The following SEMA3A variants were observed in gnomAD, a reference collection of about 807,000 sequenced individuals.
SEMA3A encodes semaphorin 3A.
Under a neutral mutation model 97.9 loss-of-function variants are expected in SEMA3A, and 29 were observed. That is an observed-to-expected ratio of 0.30 (90% CI 0.22 to 0.40). SEMA3A has a LOEUF of 0.40. SEMA3A is among the 10% of genes least tolerant of loss of function. The pLI, the probability that SEMA3A is intolerant of heterozygous loss-of-function variation, is 1.00. For missense variants in SEMA3A, 763 were observed against 951.3 expected (o/e 0.80, Z 2.60); for synonymous variants, 321 against 323.7 (o/e 0.99, Z 0.09).
At chr7:83,980,665 T>C (rs1355774668) in intron 14 of SEMA3A, among the ~76,000 whole-genome samples, 5 of 142,672 alleles carry the variant, frequency 3.5e-5, no homozygotes, top group African/African-American at 1.0e-4. Flanking sequence ...TATACATATA[T>C]ACACATATAC....
chr7:84,030,745 C>G (rs1210487731), intron 6 of SEMA3A, among the ~76,000 whole-genome samples: 1 of 152,010 alleles, frequency 6.6e-6, no homozygotes, highest in African/African-American at 2.4e-5. Flanking sequence ...TGGGATTCAA[C>G]CCTTTCTTCA....
intron 3 of SEMA3A, among the ~76,000 whole-genome samples, chr7:84,267,788 C>T (rs1372474630): frequency 6.6e-6 from 1 of 152,098 alleles, no homozygotes; most frequent in Non-Finnish European, 1.5e-5. Flanking sequence ...ACATAGACTA[C>T]TTAACCAAAT....
At chr7:84,370,206 G>T (rs1253076724) in intron 2 of SEMA3A, among the ~76,000 whole-genome samples, 1 of 151,564 alleles carries the variant, frequency 6.6e-6, no homozygotes, top group African/African-American at 2.4e-5. Context: ...TGCTGGTTTT[G>T]AGTATAGGCA....
chr7:84,011,680 T>G (rs528163681), intron 7 of SEMA3A, among the ~76,000 whole-genome samples: 1 of 152,266 alleles, frequency 6.6e-6, no homozygotes, highest in East Asian at 1.9e-4. Flanking sequence ...AACAGTTTTT[T>G]CTTTGAGATA....
intron 4 of SEMA3A, among the ~76,000 whole-genome samples, chr7:84,068,553 A>G (rs1420526400): frequency 6.6e-6 from 1 of 152,158 alleles, no homozygotes; most frequent in Non-Finnish European, 1.5e-5. Context: ...ACTATATATT[A>G]CAGACTAAAA....
At chr7:84,259,771 G>A (rs567890146) in intron 3 of SEMA3A, among the ~76,000 whole-genome samples, 89 of 147,726 alleles carry the variant, frequency 6.0e-4, no homozygotes, top group Admixed American at 1.1e-3. Context: ...AGTGATTAGT[G>A]CAGTTAAAAA....
Position 84,232,110 on chromosome 7 carries a change from A to C in SEMA3A, c.-82-37442T>G, listed in dbSNP as rs528031114. On this transcript the variant is annotated intron_variant, in intron 3 of 3. Transcript: ENST00000424555. The stretch of plus-strand genomic sequence containing the variant: ...CACACCCAAGATGTATCAATGTTTA[A>C]ATAGTAATTCAAAGAAAGCCAGTAC... Among the ~76,000 whole-genome samples, 118 of 151,622 alleles carry C rather than the reference A, an allele frequency of 7.8e-4. 1 individual carries two copies. The highest frequency in any genetic ancestry group is 2.7e-3 in the African/African-American group (113 of 41,422).
intron 4 of SEMA3A, among the ~76,000 whole-genome samples, chr7:84,096,664 G>A (rs1794784579): frequency 6.6e-6 from 1 of 151,938 alleles, no homozygotes; most frequent in East Asian, 1.9e-4. Flanking sequence ...TGTCATTTAT[G>A]TGTCAAACAC....
At chr7:84,248,515 T>C (rs1562870751) in intron 3 of SEMA3A, among the ~76,000 whole-genome samples, 1 of 152,208 alleles carries the variant, frequency 6.6e-6, no homozygotes, top group Non-Finnish European at 1.5e-5. Flanking sequence ...TGTCTTTTTG[T>C]GAGAGTCAGC....
intron 3 of SEMA3A, among the ~76,000 whole-genome samples, chr7:84,236,206 C>T (rs1459675590): frequency 6.6e-6 from 1 of 152,082 alleles, no homozygotes. Flanking sequence ...TCTTGAACTT[C>T]CTCTTCCTCC....
intron 1 of SEMA3A, among the ~76,000 whole-genome samples, chr7:84,397,299 A>C (rs1294631781): frequency 1.3e-5 from 2 of 151,532 alleles, no homozygotes; most frequent in Admixed American, 6.6e-5. Flanking sequence ...TTTACTAAAA[A>C]TTTATTTTAC....
chr7:84,049,198 C>A (rs1792486973), intron 5 of SEMA3A, among the ~76,000 whole-genome samples: 3 of 152,016 alleles, frequency 2.0e-5, no homozygotes, highest in Non-Finnish European at 2.9e-5. Context: ...TAGGAAATTA[C>A]CTCCCACATG....
intron 1 of SEMA3A, among the ~76,000 whole-genome samples, chr7:84,424,709 T>C (rs1360517295): frequency 1.8e-5 from 1 of 56,416 alleles, no homozygotes. Context: ...TATCAATATA[T>C]AATATATAAA....
chr7:84,151,725 C>T (rs560731839), intron 1 of SEMA3A, among the ~76,000 whole-genome samples: 1 of 152,122 alleles, frequency 6.6e-6, no homozygotes, highest in South Asian at 2.1e-4. Flanking sequence ...AGCTTCTGCA[C>T]AGCAAAAGAA....
intron 11 of SEMA3A, among the ~76,000 whole-genome samples, chr7:84,004,928 T>A (rs1034207987): frequency 1.3e-5 from 2 of 152,158 alleles, no homozygotes; most frequent in Non-Finnish European, 2.9e-5. Flanking sequence ...CATCTGCTCC[T>A]ACCACCCTTG....
intron 6 of SEMA3A, among the ~76,000 whole-genome samples, chr7:84,039,652 A>T (rs2116483743): frequency 6.6e-6 from 1 of 152,288 alleles, no homozygotes. Context: ...AAATTGAGAG[A>T]CATAAATGAT....
At chr7:84,209,835 G>A (rs1798583406) in intron 3 of SEMA3A, among the ~76,000 whole-genome samples, 1 of 152,090 alleles carries the variant, frequency 6.6e-6, no homozygotes, top group African/African-American at 2.4e-5. Flanking sequence ...ACTAGACTCT[G>A]AAGTAACAAC....
chr7:84,223,183 A>G lies in SEMA3A; in HGVS notation c.-82-28515T>C, dbSNP rs111969345. On this transcript the variant is annotated intron_variant, in intron 3 of 3. Coordinates refer to the SEMA3A transcript ENST00000424555. ...TAATGCTAACAATAAGAAAAGTGCC[A>G]GAGTCTCACCAAAGTTTAGTTAATG... 8.5e-4 allele frequency among the ~76,000 whole-genome samples: 129 copies of G among 151,974 alleles called. 1 individual carries two copies. The highest frequency in any genetic ancestry group is 3.0e-3 in the African/African-American group (124 of 41,540).
At chr7:84,330,429 CACTT>C (rs1801883618) in intron 2 of SEMA3A, among the ~76,000 whole-genome samples, 1 of 152,094 alleles carries the variant, frequency 6.6e-6, no homozygotes, top group African/African-American at 2.4e-5. Flanking sequence ...TTATCATATG[CACTT>C]ACTTAATAAG....
Sources: gnomAD v4.1 joint callset for allele counts (sites outside exome capture counted in the v4.1 genomes callset) on GRCh38, gnomAD v4.1.1 for gene constraint, MANE v1.5 for transcripts, NCBI Gene and HGNC (gene_info 2026-07-23, HGNC 2026-07-21) for gene names.